Variants in LGALS12 observed in about 807,000 individuals in gnomAD.
LGALS12 encodes galectin 12.
A neutral mutation model predicts 36.8 loss-of-function variants in LGALS12; 36 were observed. That is an observed-to-expected ratio of 0.98 (90% CI 0.75 to 1.29). LGALS12 has a LOEUF of 1.29. Ranked by LOEUF, LGALS12 falls within the 50% of genes most tolerant of loss-of-function variation. The pLI is 0.00. For missense variants in LGALS12, 366 were observed against 394.3 expected (o/e 0.93, Z 0.61); for synonymous variants, 145 against 155.9 (o/e 0.93, Z 0.52).
chr11:63,514,905 G>T (rs2017034523), intron 7 of LGALS12, among the ~76,000 whole-genome samples: 1 of 151,720 alleles, frequency 6.6e-6, no homozygotes, highest in Admixed American at 6.6e-5. Context: ...GGTAGAGATT[G>T]TATTATATAG....
At position 63,509,820 on chromosome 11, in the gene LGALS12, C is replaced by T. The variant is rs777280180; in HGVS notation, c.415C>T (p.Leu139Phe). Residue 139 changes from leucine to phenylalanine, a missense_variant, in exon 4 of 9, where the codon CTC becomes TTC. Physicochemically the swap from Leu to Phe is conservative, Grantham distance 22 (BLOSUM62 0). Coordinates refer to ENST00000394618, the MANE Select transcript of LGALS12 (RefSeq NM_033101.4). ...GQHFLHFRYR[L>F]PLSHVDTLGI... Reference sequence around the variant, plus strand: ...GCACTTTCTCCACTTCCGCTACCGGCTCCCACTGTCTCATGTGGACACGCT... The same window carrying T: ...GCACTTTCTCCACTTCCGCTACCGGTTCCCACTGTCTCATGTGGACACGCT... 4 of 1,614,164 alleles carry T rather than the reference C, an allele frequency of 2.5e-6. No homozygotes were observed. Among genetic ancestry groups the T allele is most frequent in the Non-Finnish European group, 3.4e-6 (4 of 1,179,976 alleles).
In LGALS12 at chr11:63,516,409, A is replaced by G; in HGVS notation, c.*16A>G. 1 of 1,613,666 alleles carries G rather than the reference A, an allele frequency of 6.2e-7. No individual in the cohort carries two copies. Among genetic ancestry groups the G allele is most frequent in the African/African-American group, 1.3e-5 (1 of 75,028 alleles). On this transcript the variant is annotated 3_prime_UTR_variant, in exon 9 of 9. Coordinates refer to ENST00000394618, the MANE Select transcript of LGALS12 (RefSeq NM_033101.4). ...CCACTCCTGAGGATGGTTCCAGGGAAATACCGCCAGAAAACAAGAAGGTCA... is the reference window on the plus strand; with the variant it reads ...CCACTCCTGAGGATGGTTCCAGGGAGATACCGCCAGAAAACAAGAAGGTCA...
At chr11:63,516,194 A>T (rs2017076544) in intron 8 of LGALS12, 53 bp from the exon 9 acceptor site, 1 of 1,521,348 alleles carries the variant, frequency 6.6e-7, no homozygotes, top group African/African-American at 1.4e-5. Flanking sequence ...CGTCAGGCAG[A>T]CAAGGGAAAG....
intron 4 of LGALS12, 140 bp downstream of exon 4, chr11:63,510,037 A>G (rs960478991): frequency 9.4e-7 from 1 of 1,066,820 alleles, no homozygotes; most frequent in Non-Finnish European, 1.3e-6. Flanking sequence ...AGGGGGAGGG[A>G]GTCCACTGAG....
Position 63,516,416 on chromosome 11 carries a change from C to T in LGALS12, c.*23C>T, listed in dbSNP as rs1234716209. ...TGAGGATGGTTCCAGGGAAATACCG[C>T]CAGAAAACAAGAAGGTCAGCCCACT... On this transcript the variant is annotated 3_prime_UTR_variant, in exon 9 of 9. Coordinates refer to ENST00000394618, the MANE Select transcript of LGALS12 (RefSeq NM_033101.4). The T allele has an allele frequency of 6.8e-6, 11 of 1,613,372 alleles. No individual in the cohort carries two copies. The highest frequency in any genetic ancestry group is 8.5e-6 in the Non-Finnish European group (10 of 1,179,874).
At chr11:63,516,009 C>T (rs1227943298) in intron 8 of LGALS12, among the ~76,000 whole-genome samples, 1 of 152,196 alleles carries the variant, frequency 6.6e-6, no homozygotes, top group East Asian at 1.9e-4. Context: ...CAGGAAGCAG[C>T]CCCAGTTACA....
chr11:63,510,159 A>C (rs1590646511), intron 4 of LGALS12, among the ~76,000 whole-genome samples: 2 of 152,146 alleles, frequency 1.3e-5, no homozygotes, highest in Admixed American at 1.3e-4. Flanking sequence ...ACTGAGAAGC[A>C]ATGGCCAGGA....
intron 7 of LGALS12, among the ~76,000 whole-genome samples, chr11:63,514,030 G>C (rs1041900440): frequency 2.0e-5 from 3 of 152,282 alleles, no homozygotes; most frequent in Non-Finnish European, 2.9e-5. Flanking sequence ...GGGGCTGGAG[G>C]CTCCACGCAG....
At position 63,508,772 on chromosome 11, in the gene LGALS12, C is replaced by A; in HGVS notation, c.159-6C>A. 1 of 1,614,178 alleles carries A rather than the reference C, an allele frequency of 6.2e-7. No homozygotes were observed. The highest frequency in any genetic ancestry group is 1.3e-5 in the African/African-American group (1 of 75,064). On this transcript the variant is annotated splice_polypyrimidine_tract_variant and splice_region_variant and intron_variant, in intron 2 of 8. Coordinates refer to ENST00000394618, the MANE Select transcript of LGALS12 (RefSeq NM_033101.4). ...ACCGCACTTTGAGAGCCTCACCTCC[C>A]AGTAGGTTTCAGGTGGACTTCCAGT...
Position 63,506,286 on chromosome 11 carries a change from GCTGCC to G in LGALS12, c.-170_-166del. 5 of 1,323,454 alleles carry G rather than the reference GCTGCC, an allele frequency of 3.8e-6. No individual in the cohort carries two copies. Among genetic ancestry groups the G allele is most frequent in the South Asian group, 2.9e-5 (2 of 68,416 alleles). 82.0% of individuals were successfully genotyped at this position (1,323,454 alleles called of 1,614,324 possible). ...CTGGTGTGGAGCCTGGAGGTCGCCC[GCTGCC>G]CTCCTAGGGCTGCTCCAGACAGCAT... On this transcript the variant is annotated 5_prime_UTR_variant, in exon 1 of 9. It removes the in-frame stop codon of an upstream open reading frame in the 5' UTR. Transcript: ENST00000394618.
chr11:63,512,425 T>C (rs1590650236), intron 7 of LGALS12, among the ~76,000 whole-genome samples: 1 of 152,344 alleles, frequency 6.6e-6, no homozygotes, highest in Admixed American at 6.5e-5. Context: ...TGGCATGTGC[T>C]CAGGACACCT....
chr11:63,506,569 C>T lies in LGALS12; in HGVS notation c.69+42C>T. 3.7e-6 allele frequency: 6 copies of T among 1,612,954 alleles called. 1 individual carries two copies. The South Asian group carries it at 6.6e-5, about 18-fold the overall frequency. ...ATGTGGAACCTCCTCGGTCTCTGGGCTCTTCCCTTCCAACTGGGCCCACAC... is the reference window on the plus strand; with the variant it reads ...ATGTGGAACCTCCTCGGTCTCTGGGTTCTTCCCTTCCAACTGGGCCCACAC... On this transcript the variant is annotated intron_variant, in intron 1 of 8. Transcript: ENST00000394618.
intron 7 of LGALS12, among the ~76,000 whole-genome samples, chr11:63,512,755 C>G (rs1474466412): frequency 6.7e-6 from 1 of 149,520 alleles, no homozygotes; most frequent in Non-Finnish European, 1.5e-5. Flanking sequence ...CGCCACTGCA[C>G]TCCAGCCTGG....
chr11:63,510,548 G>A (rs372773485), intron 5 of LGALS12, 47 bp downstream of exon 5: 17 of 1,591,778 alleles, frequency 1.1e-5, no homozygotes, highest in Admixed American at 3.3e-5. Flanking sequence ...CAGCTGACCC[G>A]CCCTTCTGGA....
chr11:63,511,938 T>C, intron 7 of LGALS12, 98 bp downstream of exon 7: 1 of 841,506 alleles, frequency 1.2e-6, no homozygotes, highest in Non-Finnish European at 2.0e-6. Context: ...AGCACCACCA[T>C]TTAATCCCCA....
rs141304527 is a variant in LGALS12 at position 63,508,938 on chromosome 11, C to A, written c.319C>A (p.Arg107=). Residue 107 remains arginine, a synonymous_variant, in exon 3 of 9, where the codon CGA becomes AGA. Coordinates refer to ENST00000394618, the MANE Select transcript of LGALS12 (RefSeq NM_033101.4). The part of the protein sequence containing the change: ...REARWPHLAL[R]RGSSFLILFL... ...GGCCCGGTGGCCCCACCTGGCCCTGCGAAGAGGCTCCAGCTTCCTCATCCT... is the reference window on the plus strand; with the variant it reads ...GGCCCGGTGGCCCCACCTGGCCCTGAGAAGAGGCTCCAGCTTCCTCATCCT... The A allele has an allele frequency of 3.2e-5, 52 of 1,614,192 alleles. No individual in the cohort carries two copies. Among genetic ancestry groups the A allele is most frequent in the South Asian group, 6.6e-5 (6 of 91,084 alleles).
chr11:63,511,268 C>T (rs2134323127), intron 6 of LGALS12, among the ~76,000 whole-genome samples, 163 bp downstream of exon 6: 1 of 129,626 alleles, frequency 7.7e-6, no homozygotes, highest in East Asian at 2.6e-4. Context: ...CCCCCAGCCG[C>T]ATGATTTCCC....
chr11:63,508,088 G>A, intron 1 of LGALS12: 1 of 1,006,258 alleles, frequency 9.9e-7, no homozygotes, highest in Non-Finnish European at 1.2e-6. Context: ...CCATTGTTAA[G>A]TGCCTCTCCA....
chr11:63,507,282 G>A (rs2016768720), intron 1 of LGALS12, among the ~76,000 whole-genome samples: 1 of 152,198 alleles, frequency 6.6e-6, no homozygotes, highest in Admixed American at 6.5e-5. Context: ...GCACCTGGAG[G>A]GCCATCCTGG....
Sources: gnomAD v4.1 joint callset for allele counts (sites outside exome capture counted in the v4.1 genomes callset) on GRCh38, gnomAD v4.1.1 for gene constraint, MANE v1.5 for transcripts, NCBI Gene and HGNC (gene_info 2026-07-23, HGNC 2026-07-21) for gene names.